NSUN6: variants seen among roughly 807,000 people sequenced by gnomAD.
NSUN6 encodes the protein tRNA (cytosine(72)-C(5))-methyltransferase NSUN6.
NSUN6 carries 64 observed loss-of-function variants against 58.0 expected under a neutral mutation model. That is an observed-to-expected ratio of 1.10 (90% CI 0.90 to 1.36). The LOEUF (loss-of-function observed/expected upper bound fraction) is 1.36. NSUN6 is among the 40% of genes most tolerant of loss of function. The probability of loss-of-function intolerance (pLI) is 0.00; values close to 1 mark genes in which losing one functional copy is unlikely to be tolerated. For missense variants in NSUN6, 701 were observed against 550.1 expected, an observed-to-expected ratio of 1.27 and a Z score of -2.74; for synonymous variants, 231 against 193.9, an observed-to-expected ratio of 1.19 and a Z score of -1.59.
intron 6 of NSUN6, among the ~76,000 whole-genome samples, chr10:18,597,517 TC>T (rs1423942153): frequency 6.6e-6 from 1 of 152,132 alleles, no homozygotes. Context: ...TGCCTGTAAT[TC>T]CAGCACTTTG....
chr10:18,588,313 G>T (rs1050534467), intron 7 of NSUN6, among the ~76,000 whole-genome samples: 1 of 152,224 alleles, frequency 6.6e-6, no homozygotes. Flanking sequence ...AGAGCACCTG[G>T]GGGGAGGGGT....
rs978733538 is a variant in NSUN6, at chr10:18,638,220, A to G, written c.311+4256T>C. Among the ~76,000 whole-genome samples, 4 of 152,276 alleles carry G rather than the reference A, an allele frequency of 2.6e-5. No individual in the cohort carries two copies. The East Asian group carries it at 7.7e-4, about 29-fold the overall frequency. ...CACTTTGGGAGGCTGAGGTGGGTGGATCACCTGAGGTCACGAATTTGAGAC... is the reference window on the plus strand; with the variant it reads ...CACTTTGGGAGGCTGAGGTGGGTGGGTCACCTGAGGTCACGAATTTGAGAC... On this transcript the variant is annotated intron_variant, in intron 3 of 10. Coordinates refer to ENST00000377304, the MANE Select transcript of NSUN6 (RefSeq NM_182543.5).
chr10:18,601,228 T>C (rs2057826404), intron 6 of NSUN6, among the ~76,000 whole-genome samples: 2 of 151,932 alleles, frequency 1.3e-5, no homozygotes, highest in Admixed American at 1.3e-4. Context: ...ATTCCTAGAA[T>C]GTTATCTTGC....
intron 8 of NSUN6, among the ~76,000 whole-genome samples, chr10:18,576,948 T>C (rs1170127690): frequency 2.0e-5 from 3 of 152,228 alleles, no homozygotes; most frequent in South Asian, 2.1e-4. Context: ...TCAACTCTCA[T>C]GTCTATTTAG....
intron 3 of NSUN6, among the ~76,000 whole-genome samples, chr10:18,634,811 G>C (rs1338218733): frequency 1.3e-5 from 2 of 151,126 alleles, no homozygotes; most frequent in Non-Finnish European, 3.0e-5. Flanking sequence ...AGAAGAAAAA[G>C]ATCAGTGAAT....
chr10:18,620,225 C>T (rs970082565), intron 3 of NSUN6, among the ~76,000 whole-genome samples: 1 of 151,946 alleles, frequency 6.6e-6, no homozygotes, highest in Non-Finnish European at 1.5e-5. Flanking sequence ...GTAGCTGAGA[C>T]TACAGGCACC....
intron 2 of NSUN6, among the ~76,000 whole-genome samples, chr10:18,644,177 C>T (rs2059471381): frequency 6.6e-6 from 1 of 152,210 alleles, no homozygotes; most frequent in African/African-American, 2.4e-5. Context: ...GTTCCCATTG[C>T]TAGGCAACCA....
intron 8 of NSUN6, among the ~76,000 whole-genome samples, chr10:18,555,389 CGAATGGAGCATG>C (rs1443396533): frequency 4.4e-5 from 5 of 114,924 alleles, no homozygotes; most frequent in African/African-American, 1.0e-4. Flanking sequence ...GGAATGGAAT[CGAATGGAGCATG>C]GAATGGAATG....
chr10:18,622,949 T>C (rs749420167), intron 3 of NSUN6, among the ~76,000 whole-genome samples: 14 of 152,210 alleles, frequency 9.2e-5, no homozygotes, highest in Admixed American at 8.5e-4. Flanking sequence ...GTTCTACTGA[T>C]CCAAATGTAG....
At chr10:18,624,766 G>C (rs1011246869) in intron 3 of NSUN6, among the ~76,000 whole-genome samples, 1 of 151,556 alleles carries the variant, frequency 6.6e-6, no homozygotes, top group Admixed American at 6.6e-5. Flanking sequence ...TCTTAGAAAG[G>C]GTTGCTTGAG....
rs1184909427 is a variant in NSUN6, at chr10:18,548,155, G to C, written c.1154C>G (p.Ala385Gly). The change falls in exon 10 of 11, where the codon GCC becomes GGC. Residue 385 changes from alanine to glycine, a missense_variant. Coordinates refer to ENST00000377304, the MANE Select transcript of NSUN6 (RefSeq NM_182543.5). The part of the protein sequence containing the change: ...ITLAENEEQV[A>G]WALTKFPCLQ... ...GCAAGGAAATTTTGTCAGGGCCCAG[G>C]CAACCTGTTCTTCATTTTCGGCCAG... The C allele has an allele frequency of 6.2e-7, 1 of 1,613,780 alleles. No homozygotes were observed. The highest frequency in any genetic ancestry group is 1.6e-4 in the Middle Eastern group (1 of 6,062).
chr10:18,556,092 G>C (rs1439514390), intron 8 of NSUN6, among the ~76,000 whole-genome samples: 1 of 150,642 alleles, frequency 6.6e-6, no homozygotes, highest in Non-Finnish European at 1.5e-5. Context: ...GAATTGAATG[G>C]AATGGAATGG....
At chr10:18,605,042 C>T (rs939886223) in intron 6 of NSUN6, among the ~76,000 whole-genome samples, 1 of 151,450 alleles carries the variant, frequency 6.6e-6, no homozygotes, top group African/African-American at 2.4e-5. Context: ...TCCGCCACCA[C>T]GCCCAGCTAA....
intron 3 of NSUN6, among the ~76,000 whole-genome samples, chr10:18,636,821 G>A (rs12247548): frequency 0.032 from 4,850 of 151,564 alleles, 265 homozygotes; most frequent in African/African-American, 0.11. Flanking sequence ...CCTGGGAGGC[G>A]GAGCTTACAA....
intron 8 of NSUN6, among the ~76,000 whole-genome samples, chr10:18,582,300 G>C (rs747993261): frequency 6.6e-6 from 1 of 152,196 alleles, no homozygotes; most frequent in Non-Finnish European, 1.5e-5. Flanking sequence ...ATTCCCGGTT[G>C]TGGAGGCTCT....
intron 6 of NSUN6, among the ~76,000 whole-genome samples, chr10:18,608,433 C>G (rs573165471): frequency 5.3e-5 from 8 of 152,148 alleles, no homozygotes; most frequent in African/African-American, 1.9e-4. Context: ...CTCAGGAATT[C>G]AAGACCAGCC....
intron 3 of NSUN6, among the ~76,000 whole-genome samples, chr10:18,635,938 A>G (rs906640876): frequency 6.6e-6 from 1 of 151,040 alleles, no homozygotes; most frequent in African/African-American, 2.4e-5. Context: ...AAAGTTCAAT[A>G]AGTAAGAATT....
chr10:18,600,939 A>AT (rs1287443145), intron 6 of NSUN6, among the ~76,000 whole-genome samples: 77 of 31,512 alleles, frequency 2.4e-3, no homozygotes, highest in Non-Finnish European at 3.5e-3. Context: ...AAAAAAAAAA[A>AT]AAATATATAT....
upstream of NSUN6, among the ~76,000 whole-genome samples, chr10:18,653,879 G>C (rs1361474928): frequency 6.6e-6 from 1 of 152,146 alleles, no homozygotes; most frequent in East Asian, 1.9e-4. Flanking sequence ...TCATATGGGC[G>C]ACATGGCTCC....
Sources: allele counts gnomAD v4.1 joint callset (sites outside exome capture counted in the v4.1 genomes callset), GRCh38; gene constraint gnomAD v4.1.1; transcripts MANE v1.5; gene names NCBI Gene and HGNC (gene_info 2026-07-23, HGNC 2026-07-21).